The following GRIK4 variants were observed in gnomAD, a reference collection of about 807,000 sequenced individuals.
GRIK4 encodes glutamate receptor ionotropic, kainate 4.
GRIK4 carries 40 observed loss-of-function variants against 104.9 expected under a neutral mutation model. The ratio of observed to expected loss-of-function variants is 0.38; its 90% CI spans 0.30 to 0.50. The LOEUF is 0.50. Ranked by LOEUF, GRIK4 falls within the 20% of genes least tolerant of loss-of-function variation. The probability of loss-of-function intolerance (pLI) is 0.93; values close to 1 mark genes in which losing one functional copy is unlikely to be tolerated. For missense variants in GRIK4, 1,047 were observed against 1,308.1 expected (o/e 0.80, Z 3.08); for synonymous variants, 485 against 524.9 (o/e 0.92, Z 1.04).
chr11:120,561,507 TA>T lies in GRIK4; in HGVS notation c.-159+49621del, dbSNP rs1464307518. Among the ~76,000 whole-genome samples the T allele has an allele frequency of 4.6e-5, 7 of 152,118 alleles. No homozygotes were observed. In the East Asian group the frequency reaches 1.4e-3, roughly 29 times the overall value. On this transcript the variant is annotated intron_variant, in intron 1 of 20. Coordinates refer to ENST00000527524, the MANE Select transcript of GRIK4 (RefSeq NM_014619.5). ...TGCTGCTGGAGAGCCACGTGGGGAC[TA>T]GGGGGGCCTACTCGGGGACTCCCCA...
At chr11:120,553,386 G>A (rs1424858340) in intron 1 of GRIK4, among the ~76,000 whole-genome samples, 2 of 152,180 alleles carry the variant, frequency 1.3e-5, no homozygotes, top group Non-Finnish European at 2.9e-5. Flanking sequence ...AGGAAGTCAC[G>A]GGAGGCTGGG....
chr11:120,699,251 C>A (rs1009564171), intron 3 of GRIK4, among the ~76,000 whole-genome samples: 6 of 152,136 alleles, frequency 3.9e-5, no homozygotes, highest in African/African-American at 1.4e-4. Flanking sequence ...TCCTCCAAAG[C>A]CTGGATCAAA....
chr11:120,638,723 C>T (rs898535189), intron 1 of GRIK4, among the ~76,000 whole-genome samples: 2 of 151,476 alleles, frequency 1.3e-5, no homozygotes, highest in Non-Finnish European at 2.9e-5. Flanking sequence ...GTGATCCGCC[C>T]GTCTCGGCCT....
At chr11:120,695,623 C>G (rs543898757) in intron 3 of GRIK4, among the ~76,000 whole-genome samples, 1 of 151,512 alleles carries the variant, frequency 6.6e-6, no homozygotes, top group African/African-American at 2.4e-5. Context: ...CAGGCCTGGA[C>G]GGCCGCCACG....
chr11:120,615,598 G>A (rs1338729024), intron 1 of GRIK4, among the ~76,000 whole-genome samples: 1 of 152,160 alleles, frequency 6.6e-6, no homozygotes, highest in Non-Finnish European at 1.5e-5. Flanking sequence ...GCTCTGGCTT[G>A]TCACTCTTTT....
intron 13 of GRIK4, among the ~76,000 whole-genome samples, chr11:120,908,650 G>A (rs949056): frequency 0.63 from 95,912 of 151,988 alleles, 31,354 homozygotes; most frequent in East Asian, 0.84. Flanking sequence ...GTTAGCTGCT[G>A]GTCATAGCTT....
At chr11:120,589,499 G>A (rs1948709773) in intron 1 of GRIK4, among the ~76,000 whole-genome samples, 1 of 152,192 alleles carries the variant, frequency 6.6e-6, no homozygotes, top group Non-Finnish European at 1.5e-5. Context: ...CCTCCACGCT[G>A]CTGGCCACCC....
At chr11:120,599,890 C>G (rs1046572442) in intron 1 of GRIK4, among the ~76,000 whole-genome samples, 3 of 152,182 alleles carry the variant, frequency 2.0e-5, no homozygotes, top group Non-Finnish European at 4.4e-5. Context: ...CCCCAGAGCC[C>G]GTGACATAAA....
intron 1 of GRIK4, among the ~76,000 whole-genome samples, chr11:120,623,095 C>T (rs191545949): frequency 2.6e-5 from 4 of 152,236 alleles, no homozygotes; most frequent in Non-Finnish European, 4.4e-5. Context: ...CAAATTGTCC[C>T]ATCTTTGGCC....
At chr11:120,553,546 C>G (rs1028162201) in intron 1 of GRIK4, among the ~76,000 whole-genome samples, 1 of 152,166 alleles carries the variant, frequency 6.6e-6, no homozygotes, top group Non-Finnish European at 1.5e-5. Flanking sequence ...GGAACTTGAC[C>G]TGGGCCTGGA....
intron 8 of GRIK4, among the ~76,000 whole-genome samples, chr11:120,857,923 C>T (rs975655078): frequency 6.6e-6 from 1 of 152,226 alleles, no homozygotes; most frequent in Admixed American, 6.5e-5. Flanking sequence ...CAAAGCCACC[C>T]ACACTTGGAG....
At chr11:120,691,191 C>T (rs1950355596) in intron 3 of GRIK4, among the ~76,000 whole-genome samples, 1 of 152,176 alleles carries the variant, frequency 6.6e-6, no homozygotes, top group African/African-American at 2.4e-5. Context: ...TTTCAATTCA[C>T]CTACCCTAAA....
intron 1 of GRIK4, among the ~76,000 whole-genome samples, chr11:120,652,553 G>A (rs1234811827): frequency 4.6e-5 from 7 of 152,148 alleles, no homozygotes; most frequent in African/African-American, 1.7e-4. Context: ...GCTGCCACTT[G>A]GAGTTTCTCC....
intron 1 of GRIK4, among the ~76,000 whole-genome samples, chr11:120,568,486 C>T (rs1948358608): frequency 6.6e-6 from 1 of 152,012 alleles, no homozygotes; most frequent in Non-Finnish European, 1.5e-5. Context: ...CTCCCAGGTC[C>T]AAGTGATTCC....
At chr11:120,546,326 G>C (rs1948085171) in intron 1 of GRIK4, among the ~76,000 whole-genome samples, 1 of 152,148 alleles carries the variant, frequency 6.6e-6, no homozygotes, top group African/African-American at 2.4e-5. Flanking sequence ...TGAGGGAGAT[G>C]GGCCAAAATG....
chr11:120,983,017 T>C (rs943693290), intron 20 of GRIK4, among the ~76,000 whole-genome samples: 1 of 152,138 alleles, frequency 6.6e-6, no homozygotes, highest in African/African-American at 2.4e-5. Flanking sequence ...TAGAGCTTCA[T>C]TTTACTTCCC....
At chr11:120,804,389 G>A (rs960462291) in intron 4 of GRIK4, among the ~76,000 whole-genome samples, 7 of 152,156 alleles carry the variant, frequency 4.6e-5, no homozygotes, top group East Asian at 3.8e-4. Context: ...GTGGGGTGTC[G>A]TGACATCCAG....
chr11:120,620,125 G>C, intron 1 of GRIK4: 1 of 799,222 alleles, frequency 1.3e-6, no homozygotes, highest in South Asian at 1.4e-5. Context: ...ATTGACCTGG[G>C]CCACTCAACA....
In GRIK4 at chr11:120,940,895, G is replaced by C. The variant is rs1010722946; in HGVS notation, c.1590+435G>C. Among the ~76,000 whole-genome samples the C allele has an allele frequency of 6.6e-6, 1 of 152,182 alleles. No individual in the cohort carries two copies. Among genetic ancestry groups the C allele is most frequent in the Non-Finnish European group, 1.5e-5 (1 of 68,040 alleles). The stretch of plus-strand genomic sequence containing the variant: ...CCTTCTCTCTCGATGATCTGTCCTG[G>C]AGAATAAATGGTAGATAATTTAATG... On this transcript the variant is annotated intron_variant, in intron 14 of 20. Coordinates refer to ENST00000527524, the MANE Select transcript of GRIK4 (RefSeq NM_014619.5). The surrounding 1 kb of genome is among the most constrained non-coding windows in gnomAD (Gnocchi z 4.3).
Sources: allele counts gnomAD v4.1 joint callset (sites outside exome capture counted in the v4.1 genomes callset), GRCh38; gene constraint gnomAD v4.1.1; non-coding constraint Gnocchi (gnomAD v3.1); transcripts MANE v1.5; gene names NCBI Gene and HGNC (gene_info 2026-07-23, HGNC 2026-07-21).